CCDC7: variants seen among roughly 807,000 people sequenced by gnomAD.
CCDC7 encodes coiled-coil domain containing 7, also known as coiled-coil domain-containing protein 7.
Under a neutral mutation model 196.9 loss-of-function variants are expected in CCDC7, and 183 were observed. The ratio of observed to expected loss-of-function variants is 0.93; its 90% confidence interval spans 0.82 to 1.05. The LOEUF (loss-of-function observed/expected upper bound fraction) is 1.05, where lower values mean the gene tolerates loss of function less well. Ranked by LOEUF, CCDC7 falls within the 50% of genes least tolerant of loss-of-function variation. The pLI is 0.00. For synonymous variants in CCDC7, 525 were observed against 484.6 expected, an observed-to-expected ratio of 1.08 and a Z score of -1.10; for missense variants, 1,540 against 1,482.2, an observed-to-expected ratio of 1.04 and a Z score of -0.64.
At chr10:32,503,910 A>AT (rs1477845974) in intron 9 of CCDC7, among the ~76,000 whole-genome samples, 1 of 144,138 alleles carries the variant, frequency 6.9e-6, no homozygotes, top group African/African-American at 2.9e-5. Flanking sequence ...TTAGAATGTA[A>AT]TTTGTTTGTG....
At chr10:32,835,690 G>A (rs548687881) in intron 33 of CCDC7, among the ~76,000 whole-genome samples, 2 of 152,134 alleles carry the variant, frequency 1.3e-5, no homozygotes, top group South Asian at 4.1e-4. Flanking sequence ...TTGCAGAGTG[G>A]AGGATGAAAG....
intron 8 of CCDC7, among the ~76,000 whole-genome samples, chr10:32,478,161 A>G (rs2039336490): frequency 6.6e-6 from 1 of 152,250 alleles, no homozygotes; most frequent in South Asian, 2.1e-4. Context: ...GCTGGTATAT[A>G]GGAAAGCAAT....
chr10:32,548,399 A>G (rs2052865514), intron 13 of CCDC7, among the ~76,000 whole-genome samples: 1 of 152,184 alleles, frequency 6.6e-6, no homozygotes, highest in Non-Finnish European at 1.5e-5. Flanking sequence ...GCAGGTGATC[A>G]GGGGTGACTC....
In CCDC7 at chr10:32,848,627, CG is replaced by C. The variant is rs1291936222; in HGVS notation, c.3805del (p.Val1269TyrfsTer21). On this transcript the variant is annotated frameshift_variant, in exon 39 of 42. Coordinates refer to ENST00000639629, the Ensembl canonical transcript of CCDC7. LOFTEE classifies it high-confidence loss of function. ...ACTTATTTAAAAACAAAGATATGTC[CG>C]TACAACGTCAAGAAGGTATCTTTAC... 6.6e-6 allele frequency: 10 copies of C among 1,508,340 alleles called. No individual in the cohort carries two copies. Among genetic ancestry groups the C allele is most frequent in the Non-Finnish European group, 9.2e-6 (10 of 1,082,992 alleles). 93.4% of individuals were successfully genotyped at this position (1,508,340 alleles called of 1,614,324 possible).
intron 7 of CCDC7, among the ~76,000 whole-genome samples, chr10:32,473,217 G>A (rs965445635): frequency 6.6e-6 from 1 of 152,156 alleles, no homozygotes. Flanking sequence ...CCACAGAAAG[G>A]AGCAATCTGT....
intron 25 of CCDC7, among the ~76,000 whole-genome samples, chr10:32,725,791 G>T (rs778227733): frequency 6.6e-6 from 1 of 151,698 alleles, no homozygotes; most frequent in Admixed American, 6.6e-5. Flanking sequence ...CATAGAGAGG[G>T]CACCAAGCCA....
intron 20 of CCDC7, among the ~76,000 whole-genome samples, chr10:32,655,844 G>T (rs1214757366): frequency 3.9e-5 from 6 of 152,120 alleles, no homozygotes; most frequent in Non-Finnish European, 8.8e-5. Context: ...ACGATGTCTG[G>T]CCTATATGTC....
intron 9 of CCDC7, among the ~76,000 whole-genome samples, chr10:32,505,486 C>T (rs1024911737): frequency 8.6e-5 from 13 of 152,034 alleles, no homozygotes; most frequent in South Asian, 4.1e-4. Context: ...TCAGAGAGCA[C>T]GGGGTTGGGG....
At position 32,847,180 on chromosome 10, in the gene CCDC7, T is replaced by G. The variant is rs1338031097; in HGVS notation, c.3689-653T>G. Among the ~76,000 whole-genome samples, 4 of 152,104 alleles carry G rather than the reference T, an allele frequency of 2.6e-5. No individual in the cohort carries two copies. In the South Asian group the frequency reaches 8.3e-4, roughly 32 times the overall value. On this transcript the variant is annotated intron_variant, in intron 37 of 41. Coordinates refer to ENST00000639629, the Ensembl canonical transcript of CCDC7. ...TCACACTACAGGCAAGAGACTTTAG[T>G]ACAATAGCCCAGTCACATCGCTATG... is the stretch of plus-strand genomic sequence containing the variant.
rs59662474 is a variant in CCDC7, at chr10:32,850,774, A to AACACACAC, written c.3896-995_3896-988dup. On this transcript the variant is annotated intron_variant, in intron 39 of 41. Transcript: ENST00000639629. Reference sequence around the variant, plus strand: ...TTTTGAAATGTCACTTGTCTCTGACAACACACACACACACACACACACACA... The same window carrying AACACACAC: ...TTTTGAAATGTCACTTGTCTCTGACAACACACACACACACACACACACACACACACACA... Among the ~76,000 whole-genome samples, 864 of 146,790 alleles carry AACACACAC rather than the reference A, an allele frequency of 5.9e-3. 5 individuals carry two copies. Among genetic ancestry groups the AACACACAC allele is most frequent in the African/African-American group, 0.019 (740 of 39,046 alleles).
At chr10:32,514,792 TATCTC>T (rs1267036463) in intron 9 of CCDC7, among the ~76,000 whole-genome samples, 4 of 152,176 alleles carry the variant, frequency 2.6e-5, no homozygotes, top group African/African-American at 4.8e-5. Context: ...AATGGATAGA[TATCTC>T]ATCTTCATAG....
At chr10:32,608,249 A>G (rs1401170591) in intron 18 of CCDC7, among the ~76,000 whole-genome samples, 2 of 152,082 alleles carry the variant, frequency 1.3e-5, no homozygotes, top group Non-Finnish European at 2.9e-5. Flanking sequence ...GCTTTAAAAA[A>G]TCCAACTCTT....
chr10:32,670,213 A>G (rs1371884877), intron 21 of CCDC7, among the ~76,000 whole-genome samples: 3 of 151,998 alleles, frequency 2.0e-5, no homozygotes, highest in Non-Finnish European at 4.4e-5. Flanking sequence ...TATATGTTTT[A>G]ATAGTCCTTG....
intron 20 of CCDC7, among the ~76,000 whole-genome samples, chr10:32,642,989 T>C (rs1458833150): frequency 1.3e-5 from 2 of 152,228 alleles, no homozygotes; most frequent in African/African-American, 4.8e-5. Flanking sequence ...CAGAATTTGG[T>C]TTATGGATGT....
intron 25 of CCDC7, among the ~76,000 whole-genome samples, chr10:32,714,240 C>G (rs2081261103): frequency 6.6e-6 from 1 of 152,122 alleles, no homozygotes; most frequent in Non-Finnish European, 1.5e-5. Flanking sequence ...GTGGGTGCAG[C>G]TCAAGGAGGG....
At chr10:32,474,233 T>C (rs200271374) in intron 8 of CCDC7, among the ~76,000 whole-genome samples, 15,144 of 128,050 alleles carry the variant, frequency 0.12, 417 homozygotes, top group African/African-American at 0.2. Context: ...TTTTTTTTTT[T>C]TTTTTTTGGA....
intron 29 of CCDC7, among the ~76,000 whole-genome samples, chr10:32,802,733 C>T (rs1291628781): frequency 1.3e-5 from 2 of 152,134 alleles, no homozygotes; most frequent in Admixed American, 1.3e-4. Flanking sequence ...GCCTGAGAGC[C>T]CCTGGAAAAC....
intron 5 of CCDC7, among the ~76,000 whole-genome samples, chr10:32,465,407 T>C (rs1313551967): frequency 6.6e-6 from 1 of 151,542 alleles, no homozygotes; most frequent in Non-Finnish European, 1.5e-5. Flanking sequence ...TCCATATGGT[T>C]CCCAGTAAGT....
chr10:32,711,707 C>T (rs769142900), exon 25 of CCDC7: 6 of 1,582,118 alleles, frequency 3.8e-6, no homozygotes, highest in Non-Finnish European at 5.2e-6. Context: ...ATTCAAGAAA[C>T]TTCTGAAGGA....
Sources: gnomAD v4.1 joint callset for allele counts (sites outside exome capture counted in the v4.1 genomes callset) on GRCh38, gnomAD v4.1.1 for gene constraint, MANE v1.5 for transcripts, NCBI Gene and HGNC (gene_info 2026-07-23, HGNC 2026-07-21) for gene names.